ATF2: variants seen among roughly 807,000 people sequenced by gnomAD.
The protein encoded by ATF2 is cyclic AMP-dependent transcription factor ATF-2.
In ATF2, 24 loss-of-function variants were observed where a neutral mutation model predicts 60.6. The ratio of observed to expected loss-of-function variants is 0.40; its 90% confidence interval spans 0.29 to 0.56. The LOEUF (loss-of-function observed/expected upper bound fraction) is 0.56. Among genes scored for constraint, ATF2 ranks in the 20% least tolerant of loss-of-function variants. The pLI is 0.54. For synonymous variants in ATF2, 206 were observed against 215.4 expected (o/e 0.96, Z 0.38); for missense variants, 433 against 607.7 (o/e 0.71, Z 3.02).
intron 2 of ATF2, 102 bp from the exon 3 acceptor site, chr2:175,136,588 C>G: frequency 1.4e-6 from 1 of 705,376 alleles, no homozygotes; most frequent in South Asian, 1.8e-5. Context: ...ACACTACTGT[C>G]ACCCCAAAAC....
rs115498231 is a variant in ATF2, at chr2:175,118,834, A to G, written c.200-465T>C. Among the ~76,000 whole-genome samples the G allele has an allele frequency of 3.0e-3, 450 of 151,758 alleles. 4 individuals carry two copies. Among genetic ancestry groups the G allele is most frequent in the African/African-American group, 0.01 (433 of 41,514 alleles). On this transcript the variant is annotated intron_variant, in intron 5 of 13. Coordinates refer to ENST00000264110, the MANE Select transcript of ATF2 (RefSeq NM_001880.4). ...CTATTATGAAAGCAAACTAAGATAAAACAATCTTTAATAGGTAGATAAAAA... is the reference window on the plus strand; with the variant it reads ...CTATTATGAAAGCAAACTAAGATAAGACAATCTTTAATAGGTAGATAAAAA...
chr2:175,127,327 C>T (rs1282953151), intron 4 of ATF2: 3 of 154,486 alleles, frequency 1.9e-5, no homozygotes, highest in Admixed American at 1.3e-4. Flanking sequence ...ATGCAGAATT[C>T]TAGGTGCAAA....
At chr2:175,159,398 T>A (rs1211705808) in intron 1 of ATF2, among the ~76,000 whole-genome samples, 1 of 152,206 alleles carries the variant, frequency 6.6e-6, no homozygotes, top group Non-Finnish European at 1.5e-5. Flanking sequence ...ATATAATGTT[T>A]AGTTCATCAA....
chr2:175,100,511 GAATA>G (rs1257666905), intron 10 of ATF2, among the ~76,000 whole-genome samples: 1 of 152,092 alleles, frequency 6.6e-6, no homozygotes, highest in Non-Finnish European at 1.5e-5. Flanking sequence ...ATCTAATTAG[GAATA>G]AATAGTAACT....
intron 13 of ATF2, among the ~76,000 whole-genome samples, chr2:175,077,052 G>T (rs1253368449): frequency 2.0e-5 from 3 of 149,896 alleles, no homozygotes; most frequent in Non-Finnish European, 4.4e-5. Context: ...GCAGTGTTTG[G>T]TTTTTTGTCC....
At chr2:175,115,094 G>A (rs1239196518) in intron 7 of ATF2, among the ~76,000 whole-genome samples, 1 of 146,064 alleles carries the variant, frequency 6.8e-6, no homozygotes, top group East Asian at 1.9e-4. Context: ...TTTTTTTCCA[G>A]TACAACTTGT....
chr2:175,144,110 T>TA lies in ATF2; in HGVS notation c.-44+6949dup, dbSNP rs1335168353. On this transcript the variant is annotated intron_variant, in intron 2 of 13. Transcript: ENST00000264110. ...CACCTGATTCTTTGCCCATTTTTTT[T>TA]AAAAAAAAATGTTAGTTAAAATTCT... Among the ~76,000 whole-genome samples, 64 of 150,998 alleles carry TA rather than the reference T, an allele frequency of 4.2e-4. 1 individual carries two copies. The highest frequency in any genetic ancestry group is 1.3e-3 in the African/African-American group (52 of 41,046).
intron 1 of ATF2, chr2:175,167,679 G>A (rs753669450): frequency 2.0e-5 from 10 of 505,298 alleles, no homozygotes; most frequent in Non-Finnish European, 4.1e-5. Context: ...GACTCGACGC[G>A]CGCCCCGAGG....
intron 10 of ATF2, among the ~76,000 whole-genome samples, chr2:175,104,524 T>C (rs201768899): frequency 1.3e-5 from 2 of 152,068 alleles, no homozygotes; most frequent in East Asian, 1.9e-4. Context: ...ATGTGTAACA[T>C]GAATCTAGGG....
intron 10 of ATF2, among the ~76,000 whole-genome samples, chr2:175,109,223 G>A (rs1005670603): frequency 4.5e-5 from 6 of 134,796 alleles, no homozygotes; most frequent in African/African-American, 1.4e-4. Flanking sequence ...ATTCACAATA[G>A]CTAAACACTA....
intron 12 of ATF2, among the ~76,000 whole-genome samples, chr2:175,090,857 C>T (rs1207301249): frequency 6.6e-6 from 1 of 152,084 alleles, no homozygotes; most frequent in Non-Finnish European, 1.5e-5. Flanking sequence ...ACAATAATGA[C>T]ATTTTAATCA....
At chr2:175,151,594 CAGTCT>C (rs574053782) in intron 1 of ATF2, among the ~76,000 whole-genome samples, 1 of 152,222 alleles carries the variant, frequency 6.6e-6, no homozygotes, top group Non-Finnish European at 1.5e-5. Flanking sequence ...CCATGGGACC[CAGTCT>C]ATGTGCTTAT....
chr2:175,131,403 AAAGTT>A (rs1697717072), intron 3 of ATF2, among the ~76,000 whole-genome samples: 1 of 152,206 alleles, frequency 6.6e-6, no homozygotes, highest in Non-Finnish European at 1.5e-5. Context: ...AGTGCCCTGA[AAAGTT>A]AAGACTGAGG....
intron 5 of ATF2, among the ~76,000 whole-genome samples, chr2:175,118,997 T>C (rs914425764): frequency 3.3e-5 from 5 of 151,696 alleles, no homozygotes; most frequent in Admixed American, 6.6e-5. Context: ...GTCACATGCC[T>C]CCAGAATGTT....
chr2:175,117,719 C>T (rs1696678325), intron 7 of ATF2, among the ~76,000 whole-genome samples: 2 of 151,770 alleles, frequency 1.3e-5, no homozygotes, highest in Non-Finnish European at 2.9e-5. Flanking sequence ...AATAGCAAAA[C>T]ACAGAAAAAT....
intron 12 of ATF2, among the ~76,000 whole-genome samples, chr2:175,087,709 A>G (rs1694265120): frequency 6.6e-6 from 1 of 152,220 alleles, no homozygotes; most frequent in African/African-American, 2.4e-5. Flanking sequence ...AAGGCAGTTA[A>G]GTATCAAGTT....
At position 175,114,509 on chromosome 2, in the gene ATF2, C is replaced by T. The variant is rs1696414723; in HGVS notation, c.626+181G>A. On this transcript the variant is annotated intron_variant, in intron 8 of 13. Transcript: ENST00000264110. ...ATTTGTTTTTAGTTGTATTTATCTC[C>T]CACTCTGTTAGTTAATATTTATATT... 4 of 1,307,130 alleles carry T rather than the reference C, an allele frequency of 3.1e-6. No homozygotes were observed. In the South Asian group the frequency reaches 7.3e-5, roughly 24 times the overall value. The allele number at this position is 1,307,130 out of a possible 1,614,324, so 81.0% of individuals were successfully genotyped here.
chr2:175,093,393 T>C (rs1694689491), intron 11 of ATF2, 126 bp from the exon 12 acceptor site: 1 of 895,664 alleles, frequency 1.1e-6, no homozygotes, highest in East Asian at 2.7e-5. Context: ...CATCAGTATG[T>C]TGGGGCAATA....
intron 3 of ATF2, among the ~76,000 whole-genome samples, chr2:175,135,774 G>T (rs16863052): frequency 0.068 from 10,311 of 152,150 alleles, 352 homozygotes; most frequent in East Asian, 0.12. Flanking sequence ...CGATTTAAAA[G>T]TTCTCAATTA....
Sources: allele counts gnomAD v4.1 joint callset (sites outside exome capture counted in the v4.1 genomes callset), GRCh38; gene constraint gnomAD v4.1.1; transcripts MANE v1.5; gene names NCBI Gene and HGNC (gene_info 2026-07-23, HGNC 2026-07-21).